Variants in ELP3 observed in about 807,000 individuals in gnomAD.
The protein encoded by ELP3 is elongator acetyltransferase complex subunit 3.
In ELP3, 56 loss-of-function variants were observed where a neutral mutation model predicts 74.9. The ratio of observed to expected loss-of-function variants is 0.75; its 90% CI spans 0.60 to 0.93. The LOEUF (loss-of-function observed/expected upper bound fraction) is 0.93. Among genes scored for constraint, ELP3 ranks in the 40% least tolerant of loss-of-function variants. The pLI is 0.00. For synonymous variants in ELP3, 222 were observed against 239.8 expected (o/e 0.93, Z 0.68); for missense variants, 573 against 686.5 (o/e 0.83, Z 1.85).
intron 7 of ELP3, among the ~76,000 whole-genome samples, chr8:28,127,242 G>T (rs1293421890): frequency 6.6e-6 from 1 of 152,096 alleles, no homozygotes; most frequent in East Asian, 1.9e-4. Flanking sequence ...TCTGCAATAG[G>T]AAGACTAGCT....
chr8:28,183,254 C>T lies in ELP3; in HGVS notation c.1568-6395C>T, dbSNP rs772131368. 12 of 459,216 alleles carry T rather than the reference C, an allele frequency of 2.6e-5. 1 individual carries two copies. The highest frequency in any genetic ancestry group is 1.9e-4 in the South Asian group (12 of 64,676). 28.4% of individuals were successfully genotyped at this position (459,216 alleles called of 1,614,324 possible). On this transcript the variant is annotated intron_variant, in intron 14 of 14. Coordinates refer to ENST00000256398, the MANE Select transcript of ELP3 (RefSeq NM_018091.6). ...CACCACAGAAGCTGTTCACTCTAGGCACTTTGCAAGGTATTCTTTTTTCAC... is the reference window on the plus strand; with the variant it reads ...CACCACAGAAGCTGTTCACTCTAGGTACTTTGCAAGGTATTCTTTTTTCAC...
chr8:28,178,269 T>G (rs1814844959), intron 14 of ELP3, among the ~76,000 whole-genome samples: 1 of 152,224 alleles, frequency 6.6e-6, no homozygotes, highest in Admixed American at 6.5e-5. Flanking sequence ...CATACGAATT[T>G]TGTGGGGGAT....
intron 1 of ELP3, among the ~76,000 whole-genome samples, chr8:28,096,766 C>T (rs927838553): frequency 2.0e-5 from 3 of 152,352 alleles, no homozygotes; most frequent in South Asian, 2.1e-4. Context: ...GTAACAGGCA[C>T]ATATTCTTGT....
chr8:28,162,067 C>CT lies in ELP3; in HGVS notation c.1557dup (p.Val520CysfsTer12), dbSNP rs1476662652. The CT allele has an allele frequency of 2.5e-6, 4 of 1,614,130 alleles. No individual in the cohort carries two copies. In the South Asian group the frequency reaches 4.4e-5, roughly 18 times the overall value. On this transcript the variant is annotated frameshift_variant, in exon 14 of 15. Transcript: ENST00000256398. LOFTEE classifies it high-confidence loss of function. The stretch of plus-strand genomic sequence containing the variant: ...GAAGAACATGGGTCTGGGAAAATCG[C>CT]TGTGATATCAGGTAACTGGGGGAGG...
chr8:28,117,924 C>T (rs1048483455), intron 7 of ELP3, among the ~76,000 whole-genome samples: 1 of 152,180 alleles, frequency 6.6e-6, no homozygotes, highest in Non-Finnish European at 1.5e-5. Flanking sequence ...AAATAAAAAG[C>T]AGCCCAGAGA....
upstream of ELP3, chr8:28,090,402 T>C (rs181329659): frequency 1.8e-4 from 62 of 351,646 alleles, 1 homozygote; most frequent in Middle Eastern, 3.0e-3. Context: ...CTCCATAGTC[T>C]GGTGAGTGTA....
At chr8:28,128,455 A>G (rs962774683) in intron 7 of ELP3, among the ~76,000 whole-genome samples, 4 of 152,134 alleles carry the variant, frequency 2.6e-5, no homozygotes, top group Admixed American at 2.0e-4. Flanking sequence ...CAGCCTGGGC[A>G]ACACAGTGAA....
At chr8:28,138,390 A>G (rs527815196) in intron 10 of ELP3, among the ~76,000 whole-genome samples, 1 of 152,358 alleles carries the variant, frequency 6.6e-6, no homozygotes, top group East Asian at 1.9e-4. Context: ...CTTCCTAGAA[A>G]AGAGAAAGTA....
rs577447142 is a variant in ELP3, at chr8:28,107,458, T to C, written c.330-455T>C. Among the ~76,000 whole-genome samples, 15 of 152,190 alleles carry C rather than the reference T, an allele frequency of 9.9e-5. No homozygotes were observed. In the South Asian group the frequency reaches 2.1e-3, roughly 21 times the overall value. ...AAAATGAATTTGGATCAGAAACATATCAAAATAAAAAATTATCCTTATACG... is the reference window on the plus strand; with the variant it reads ...AAAATGAATTTGGATCAGAAACATACCAAAATAAAAAATTATCCTTATACG... On this transcript the variant is annotated intron_variant, in intron 4 of 14. Transcript: ENST00000256398.
intron 7 of ELP3, chr8:28,129,266 A>G (rs1812700357): frequency 4.1e-6 from 2 of 491,114 alleles, no homozygotes; most frequent in African/African-American, 1.9e-5. Flanking sequence ...TGAGGTGTAG[A>G]TAGTGTATTA....
chr8:28,189,509 CA>C, intron 14 of ELP3, 139 bp from the exon 15 acceptor site: 1 of 697,266 alleles, frequency 1.4e-6, no homozygotes, highest in Non-Finnish European at 2.5e-6. Flanking sequence ...AATAATGTTC[CA>C]AACTTATTAA....
At chr8:28,175,484 C>A (rs1383937976) in intron 14 of ELP3, among the ~76,000 whole-genome samples, 2 of 152,114 alleles carry the variant, frequency 1.3e-5, no homozygotes, top group Non-Finnish European at 1.5e-5. Context: ...TAATATAATT[C>A]CTGTCTATTG....
At chr8:28,104,990 G>C (rs57145040) in intron 3 of ELP3, among the ~76,000 whole-genome samples, 5 of 152,138 alleles carry the variant, frequency 3.3e-5, no homozygotes, top group African/African-American at 1.2e-4. Flanking sequence ...AATTATTGTG[G>C]ACTTGACCAG....
chr8:28,099,863 C>T lies in ELP3; in HGVS notation c.155C>T (p.Ser52Phe). The change falls in exon 3 of 15, where the codon TCT (serine) becomes TTT (phenylalanine). Residue 52 changes from serine (S) to phenylalanine (F), a missense_variant. Transcript: ENST00000256398. ...AAGACAGCTGCCAAATATGGCCTTT[C>T]TGCCCAGCCCCGCCTGGTGGATATC... is the stretch of plus-strand genomic sequence containing the variant. ...KTKTAAKYGL[S>F]AQPRLVDIIA... 6.2e-7 allele frequency: 1 copy of T among 1,614,242 alleles called. No individual in the cohort carries two copies. Among genetic ancestry groups the T allele is most frequent in the East Asian group, 2.2e-5 (1 of 44,888 alleles).
At position 28,189,774 on chromosome 8, in the gene ELP3, G is replaced by A. The variant is rs78176341; in HGVS notation, c.*49G>A. ...GCAGTATCCTCCCTGGCAGAACACG[G>A]AGAATCAGGATTTCTTAAATACTCA... On this transcript the variant is annotated 3_prime_UTR_variant, in exon 15 of 15. Coordinates refer to ENST00000256398, the MANE Select transcript of ELP3 (RefSeq NM_018091.6). The A allele has an allele frequency of 1.9e-3, 2,999 of 1,575,364 alleles. 54 individuals are homozygous for A. The African/African-American group carries it at 0.036, about 19-fold the overall frequency.
chr8:28,156,519 T>C (rs1287146358), intron 11 of ELP3, among the ~76,000 whole-genome samples: 1 of 152,154 alleles, frequency 6.6e-6, no homozygotes, highest in African/African-American at 2.4e-5. Flanking sequence ...TGGCCCAGGA[T>C]ATACAAAGAG....
Position 28,097,887 on chromosome 8 carries a change from G to T in ELP3, c.119+569G>T, listed in dbSNP as rs527644977. 2.6e-5 allele frequency among the ~76,000 whole-genome samples: 4 copies of T among 152,328 alleles called. No homozygotes were observed. The South Asian group carries it at 8.3e-4, about 32-fold the overall frequency. ...CTTGACAGGTGGGTAATCTGAGTCA[G>T]AGAGCAGTTAAATAATTTGTCCAGG... On this transcript the variant is annotated intron_variant, in intron 2 of 14. Transcript: ENST00000256398.
intron 14 of ELP3, among the ~76,000 whole-genome samples, chr8:28,167,994 G>A (rs1250561159): frequency 2.0e-5 from 3 of 152,198 alleles, no homozygotes; most frequent in Admixed American, 2.0e-4. Context: ...TAATGTATTA[G>A]CTAGGTGTTT....
intron 14 of ELP3, among the ~76,000 whole-genome samples, chr8:28,176,782 A>G (rs750339888): frequency 1.3e-4 from 20 of 152,216 alleles, no homozygotes; most frequent in Non-Finnish European, 2.4e-4. Context: ...ACTTCTGCAG[A>G]GACACACTAA....
Sources: allele counts gnomAD v4.1 joint callset (sites outside exome capture counted in the v4.1 genomes callset), GRCh38; gene constraint gnomAD v4.1.1; transcripts MANE v1.5; gene names NCBI Gene and HGNC (gene_info 2026-07-23, HGNC 2026-07-21).